PPP3CA: variants seen among roughly 807,000 people sequenced by gnomAD.
PPP3CA encodes CAM-PRP catalytic subunit.
PPP3CA carries 14 observed loss-of-function variants against 66.5 expected under a neutral mutation model. The observed-to-expected ratio is 0.21, with a 90% CI of 0.14 to 0.33. The LOEUF (loss-of-function observed/expected upper bound fraction) is 0.33. Among genes scored for constraint, PPP3CA ranks in the 10% least tolerant of loss-of-function variants. The pLI, the probability that PPP3CA is intolerant of heterozygous loss-of-function variation, is 1.00. For synonymous variants in PPP3CA, 232 were observed against 226.2 expected, an observed-to-expected ratio of 1.03 and a Z score of -0.23; for missense variants, 317 against 639.5, an observed-to-expected ratio of 0.50 and a Z score of 5.44.
At chr4:101,333,269 A>AATTTTT in intron 1 of PPP3CA, among the ~76,000 whole-genome samples, 1 of 66,482 alleles carries the variant, frequency 1.5e-5, no homozygotes, top group East Asian at 4.2e-4. Flanking sequence ...TACCATGCCC[A>AATTTTT]GTTTTTTTTT....
At chr4:101,297,331 T>A (rs1728228398) in intron 1 of PPP3CA, among the ~76,000 whole-genome samples, 1 of 152,196 alleles carries the variant, frequency 6.6e-6, no homozygotes, top group Non-Finnish European at 1.5e-5. Flanking sequence ...CCAATTTAAA[T>A]GAAGAACCTG....
intron 1 of PPP3CA, among the ~76,000 whole-genome samples, chr4:101,305,303 C>T (rs1728500464): frequency 6.6e-6 from 1 of 152,070 alleles, no homozygotes; most frequent in African/African-American, 2.4e-5. Flanking sequence ...TATTTGAGAC[C>T]ACAAAAGGTA....
At chr4:101,263,392 T>C (rs956461521) in intron 1 of PPP3CA, among the ~76,000 whole-genome samples, 1 of 152,194 alleles carries the variant, frequency 6.6e-6, no homozygotes, top group Admixed American at 6.5e-5. Flanking sequence ...TTCTTGTCCC[T>C]GTTACTGTAA....
chr4:101,308,456 A>AT (rs556109487), intron 1 of PPP3CA, among the ~76,000 whole-genome samples: 8 of 151,530 alleles, frequency 5.3e-5, no homozygotes, highest in South Asian at 2.1e-4. Flanking sequence ...AATATTTCAG[A>AT]TTTTTTTTTC....
intron 2 of PPP3CA, among the ~76,000 whole-genome samples, chr4:101,138,776 C>T (rs1253562529): frequency 6.6e-6 from 1 of 152,130 alleles, no homozygotes; most frequent in Admixed American, 6.5e-5. Context: ...TGATATAATA[C>T]ATGAGTATTT....
rs182387545 is a variant in PPP3CA, at chr4:101,035,256, G to A, written c.1242-2892C>T. Among the ~76,000 whole-genome samples, 470 of 151,876 alleles carry A rather than the reference G, an allele frequency of 3.1e-3. 1 individual carries two copies. The highest frequency in any genetic ancestry group is 0.01 in the African/African-American group (430 of 41,402). ...TGCACTCCAGCCAGAGCGCAAGAGC[G>A]AGACCGTCTTAAAACAAAACAAAAC... On this transcript the variant is annotated intron_variant, in intron 11 of 13. Coordinates refer to ENST00000394854, the MANE Select transcript of PPP3CA (RefSeq NM_000944.5).
rs1307664307 is a variant in PPP3CA at position 101,346,733 on chromosome 4, G to A, written c.58+6C>T. 1.2e-6 allele frequency: 2 copies of A among 1,610,354 alleles called. No individual in the cohort carries two copies. Among genetic ancestry groups the A allele is most frequent in the Admixed American group, 1.7e-5 (1 of 59,742 alleles). On this transcript the variant is annotated splice_donor_region_variant and intron_variant, in intron 1 of 13. Transcript: ENST00000394854. ...TGCACCCAGGCCACCGCGGCGCTCC[G>A]CTTACCTTTCACCACCCTGTCGGTC...
chr4:101,171,721 A>G (rs1043658273), intron 2 of PPP3CA, among the ~76,000 whole-genome samples: 1 of 152,152 alleles, frequency 6.6e-6, no homozygotes, highest in African/African-American at 2.4e-5. Context: ...TCATTAATTT[A>G]CTAATTAATT....
At chr4:101,309,681 G>GT (rs1728660450) in intron 1 of PPP3CA, among the ~76,000 whole-genome samples, 1 of 151,968 alleles carries the variant, frequency 6.6e-6, no homozygotes, top group Non-Finnish European at 1.5e-5. Context: ...CCAATTATAC[G>GT]TTTTTTTAAA....
intron 2 of PPP3CA, among the ~76,000 whole-genome samples, chr4:101,128,042 T>A (rs946644110): frequency 6.6e-6 from 1 of 152,172 alleles, no homozygotes; most frequent in African/African-American, 2.4e-5. Flanking sequence ...CTTTCTGCCA[T>A]CATAAGCCCC....
chr4:101,273,231 T>C (rs1727387348), intron 1 of PPP3CA, among the ~76,000 whole-genome samples: 1 of 152,232 alleles, frequency 6.6e-6, no homozygotes, highest in Admixed American at 6.5e-5. Context: ...TCTATTACTC[T>C]TAAAGAATTA....
chr4:101,063,385 G>A (rs2110226734), intron 8 of PPP3CA, 28 bp from the exon 9 acceptor site: 1 of 1,592,456 alleles, frequency 6.3e-7, no homozygotes, highest in Non-Finnish European at 8.6e-7. Context: ...AGGATGTTAG[G>A]AACACAGAAC....
At chr4:101,302,468 T>C (rs796459141) in intron 1 of PPP3CA, among the ~76,000 whole-genome samples, 9 of 152,362 alleles carry the variant, frequency 5.9e-5, no homozygotes, top group South Asian at 2.1e-4. Flanking sequence ...AAGTTTGTTA[T>C]AGCATTCAAT....
At chr4:101,271,779 A>G (rs946548889) in intron 1 of PPP3CA, among the ~76,000 whole-genome samples, 5 of 152,150 alleles carry the variant, frequency 3.3e-5, no homozygotes, top group African/African-American at 9.7e-5. Flanking sequence ...ATAAACTAAT[A>G]TAGTGTAGAT....
At chr4:101,046,962 T>A (rs576331045) in intron 10 of PPP3CA, among the ~76,000 whole-genome samples, 2 of 152,306 alleles carry the variant, frequency 1.3e-5, no homozygotes, top group South Asian at 4.1e-4. Context: ...AAGAAACTTG[T>A]GTAATTGGTC....
chr4:101,052,025 G>GT (rs1423614108), intron 10 of PPP3CA, among the ~76,000 whole-genome samples: 3 of 151,930 alleles, frequency 2.0e-5, no homozygotes, highest in South Asian at 2.1e-4. Flanking sequence ...GGATATGGCT[G>GT]TTTTTTTAAC....
chr4:101,139,347 CAAAAA>C (rs56658441), intron 2 of PPP3CA, among the ~76,000 whole-genome samples: 3 of 96,746 alleles, frequency 3.1e-5, no homozygotes, highest in Non-Finnish European at 4.4e-5. Context: ...GACTCCGTCT[CAAAAA>C]AAAAAAAAAA....
chr4:101,217,109 G>A (rs1352784961), intron 1 of PPP3CA, among the ~76,000 whole-genome samples: 1 of 152,118 alleles, frequency 6.6e-6, no homozygotes, highest in Non-Finnish European at 1.5e-5. Flanking sequence ...TTGAAGAAAT[G>A]AGCCACAGTA....
intron 8 of PPP3CA, among the ~76,000 whole-genome samples, chr4:101,072,967 T>C (rs1728985394): frequency 6.7e-6 from 1 of 149,536 alleles, no homozygotes; most frequent in Non-Finnish European, 1.5e-5. Context: ...TATATATATA[T>C]AAAGCTATAT....
Sources: gnomAD v4.1 joint callset for allele counts (sites outside exome capture counted in the v4.1 genomes callset) on GRCh38, gnomAD v4.1.1 for gene constraint, MANE v1.5 for transcripts, NCBI Gene and HGNC (gene_info 2026-07-23, HGNC 2026-07-21) for gene names.